Variants in LIPK observed in about 807,000 individuals in gnomAD.
LIPK encodes the protein lipase member K.
LIPK carries 32 observed loss-of-function variants against 48.6 expected under a neutral mutation model. That is an observed-to-expected ratio of 0.66 (90% CI 0.50 to 0.88). The LOEUF (loss-of-function observed/expected upper bound fraction) is 0.88, where lower values mean the gene tolerates loss of function less well. Ranked by LOEUF, LIPK falls within the 40% of genes least tolerant of loss-of-function variation. The pLI, the probability that LIPK is intolerant of heterozygous loss-of-function variation, is 0.00. For synonymous variants in LIPK, 164 were observed against 157.4 expected, an observed-to-expected ratio of 1.04 and a Z score of -0.32; for missense variants, 507 against 478.5, an observed-to-expected ratio of 1.06 and a Z score of -0.56.
chr10:88,739,854 C>CAAAAAT (rs934657193), intron 7 of LIPK, 142 bp from the exon 8 acceptor site: 9 of 480,666 alleles, frequency 1.9e-5, no homozygotes, highest in Admixed American at 7.3e-5. Flanking sequence ...GACTCCAACT[C>CAAAAAT]AAAAATAAAA....
intron 9 of LIPK, among the ~76,000 whole-genome samples, chr10:88,750,787 C>T (rs1236797299): frequency 1.3e-5 from 2 of 152,030 alleles, no homozygotes; most frequent in African/African-American, 2.4e-5. Flanking sequence ...TGCACATGTA[C>T]CCCCTGAATC....
intron 9 of LIPK, among the ~76,000 whole-genome samples, chr10:88,750,249 T>G (rs1050760960): frequency 1.3e-5 from 2 of 152,190 alleles, no homozygotes; most frequent in African/African-American, 4.8e-5. Context: ...ATGTGACAAT[T>G]TCTCAAAGAA....
chr10:88,726,889 G>A lies in LIPK; in HGVS notation c.200G>A (p.Gly67Glu), dbSNP rs1360586570. The A allele has an allele frequency of 6.3e-7, 1 of 1,595,022 alleles. No homozygotes were observed. The highest frequency in any genetic ancestry group is 8.6e-7 in the Non-Finnish European group (1 of 1,165,020). ...CTTGGAATTTATAGGATTCCACATG[G>A]AAGAGGATGCCCAGGGAGGACAGGT... The part of the protein sequence containing the change: ...YILGIYRIPH[G>E]RGCPGRTAPK... The change falls in exon 3 of 10, where the codon GGA becomes GAA. Residue 67 changes from glycine (G) to glutamate (E), a missense_variant. By Grantham distance (98) the Gly-to-Glu change is moderately conservative. Transcript: ENST00000404190.
At chr10:88,730,075 AC>A (rs1371629346) in intron 3 of LIPK, among the ~76,000 whole-genome samples, 4 of 152,160 alleles carry the variant, frequency 2.6e-5, no homozygotes, top group African/African-American at 9.7e-5. Context: ...TTGCTTTCTA[AC>A]AATTCAAATG....
Position 88,743,914 on chromosome 10 carries a change from G to A in LIPK, c.960+593G>A, listed in dbSNP as rs73352674. 6.7e-3 allele frequency among the ~76,000 whole-genome samples: 1,026 copies of A among 152,310 alleles called. 4 individuals carry two copies. The highest frequency in any genetic ancestry group is 0.024 in the Middle Eastern group (7 of 294). On this transcript the variant is annotated intron_variant, in intron 9 of 9. Transcript: ENST00000404190. ...ACCCCCATAGACATTTGAGCTAGTAGGCAGAGCTGTTTGGGGAGTTGGCAG... is the reference window on the plus strand; with the variant it reads ...ACCCCCATAGACATTTGAGCTAGTAAGCAGAGCTGTTTGGGGAGTTGGCAG...
chr10:88,709,307 T>G (rs1841986912), intron 1 of LIPK, among the ~76,000 whole-genome samples: 1 of 152,224 alleles, frequency 6.6e-6, no homozygotes, highest in Non-Finnish European at 1.5e-5. Flanking sequence ...TATTATACTT[T>G]AAGTTCTGGG....
chr10:88,723,958 G>A (rs181814880), intron 1 of LIPK, among the ~76,000 whole-genome samples: 2 of 151,916 alleles, frequency 1.3e-5, no homozygotes, highest in African/African-American at 2.4e-5. Flanking sequence ...CTCTTACTTT[G>A]GGAAATTTTA....
At chr10:88,724,124 GT>G (rs1474301157) in intron 1 of LIPK, among the ~76,000 whole-genome samples, 12 of 152,054 alleles carry the variant, frequency 7.9e-5, no homozygotes, top group Admixed American at 7.2e-4. Context: ...TTTCATAAAG[GT>G]TTTGCCAATG....
At position 88,724,580 on chromosome 10, in the gene LIPK, C is replaced by G; in HGVS notation, c.37C>G (p.Leu13Val). The G allele has an allele frequency of 6.2e-7, 1 of 1,609,954 alleles. No individual in the cohort carries two copies. The highest frequency in any genetic ancestry group is 8.5e-7 in the Non-Finnish European group (1 of 1,178,506). Residue 13 changes from leucine (L) to valine (V), a missense_variant, in exon 2 of 10, where the codon CTT (leucine) becomes GTT (valine). Coordinates refer to ENST00000404190, the MANE Select transcript of LIPK (RefSeq NM_001080518.2). ...TTTAGCAGCAGCATGCTGGATGCTT[C>G]TTCTTGGATCTATGTATGGTTATGA... is the stretch of plus-strand genomic sequence containing the variant. ...QLLAAACWML[L>V]LGSMYGYDKK...
At chr10:88,744,747 T>C (rs1206685817) in intron 9 of LIPK, among the ~76,000 whole-genome samples, 1 of 152,186 alleles carries the variant, frequency 6.6e-6, no homozygotes, top group African/African-American at 2.4e-5. Context: ...ATGACCACAC[T>C]AACTCTCCAG....
intron 1 of LIPK, among the ~76,000 whole-genome samples, chr10:88,722,528 C>T (rs570197006): frequency 6.6e-6 from 1 of 152,304 alleles, no homozygotes; most frequent in South Asian, 2.1e-4. Context: ...TCAATAGATT[C>T]TCCTTCAGCT....
chr10:88,742,463 G>C (rs935099873), intron 8 of LIPK, among the ~76,000 whole-genome samples: 3 of 152,202 alleles, frequency 2.0e-5, no homozygotes, highest in Admixed American at 2.0e-4. Context: ...ACACAGAATA[G>C]TCTGAGAATA....
chr10:88,728,683 C>T (rs1198516981), intron 3 of LIPK: 4 of 460,840 alleles, frequency 8.7e-6, no homozygotes, highest in Non-Finnish European at 1.7e-5. Flanking sequence ...GAGTCTGGGA[C>T]GCAGAGCAGG....
Position 88,752,600 on chromosome 10 carries a change from C to T in LIPK, c.1044C>T (p.Pro348=). The change falls in exon 10 of 10, where the codon CCC becomes CCT. Residue 348 remains proline, a synonymous_variant. Coordinates refer to ENST00000404190, the MANE Select transcript of LIPK (RefSeq NM_001080518.2). The part of the protein sequence containing the change: ...WNGGQDIVAD[P]KDVENLLPQI... ...GTGGACAGGACATTGTGGCTGATCC[C>T]AAGGATGTTGAAAATTTACTTCCTC... 1 of 1,572,724 alleles carries T rather than the reference C, an allele frequency of 6.4e-7. No homozygotes were observed. The highest frequency in any genetic ancestry group is 8.6e-7 in the Non-Finnish European group (1 of 1,156,728).
intron 6 of LIPK, among the ~76,000 whole-genome samples, chr10:88,737,429 C>A (rs1394643509): frequency 1.3e-5 from 2 of 152,096 alleles, no homozygotes; most frequent in African/African-American, 4.8e-5. Flanking sequence ...ATTCTAAAAA[C>A]CACCCCAATT....
intron 1 of LIPK, among the ~76,000 whole-genome samples, chr10:88,715,048 T>C (rs988246241): frequency 6.6e-6 from 1 of 152,128 alleles, no homozygotes; most frequent in Non-Finnish European, 1.5e-5. Flanking sequence ...TGATATGTCA[T>C]GTTTTATTAT....
chr10:88,744,205 C>T (rs946749935), intron 9 of LIPK, among the ~76,000 whole-genome samples: 1 of 152,252 alleles, frequency 6.6e-6, no homozygotes, highest in Non-Finnish European at 1.5e-5. Flanking sequence ...CATGCCCAAC[C>T]AGAGTGCCTC....
In LIPK at chr10:88,726,779, C is replaced by T; in HGVS notation, c.106-16C>T. ...GATTATAACATGAAGGTATATATTT[C>T]CTTTCCTCTTTTTAGAGCCAGATTA... On this transcript the variant is annotated splice_polypyrimidine_tract_variant and intron_variant, in intron 2 of 9. Transcript: ENST00000404190. 8.3e-7 allele frequency: 1 copy of T among 1,207,166 alleles called. No individual in the cohort carries two copies. The highest frequency in any genetic ancestry group is 1.2e-6 in the Non-Finnish European group (1 of 820,362). The allele number at this position is 1,207,166 out of a possible 1,614,324, so 74.8% of individuals were successfully genotyped here. A position where few individuals can be genotyped will look rare whatever the true frequency, so the allele number is the denominator to read the frequency against.
chr10:88,728,567 G>A (rs1842394802), intron 3 of LIPK: 1 of 445,958 alleles, frequency 2.2e-6, no homozygotes, highest in South Asian at 1.7e-5. Context: ...AACAGGAGAG[G>A]GCGCCGTAGC....
Sources: gnomAD v4.1 joint callset for allele counts (sites outside exome capture counted in the v4.1 genomes callset) on GRCh38, gnomAD v4.1.1 for gene constraint, MANE v1.5 for transcripts, NCBI Gene and HGNC (gene_info 2026-07-23, HGNC 2026-07-21) for gene names.